Variants in ASIC2 observed in about 807,000 individuals in gnomAD.
ASIC2 encodes acid sensing ion channel subunit 2.
A neutral mutation model predicts 57.3 loss-of-function variants in ASIC2; 25 were observed. That is an observed-to-expected ratio of 0.44 (90% CI 0.32 to 0.61). The LOEUF is 0.61. Ranked by LOEUF, ASIC2 falls within the 20% of genes least tolerant of loss-of-function variation. ASIC2 has a pLI of 0.06. For missense variants in ASIC2, 641 were observed against 738.1 expected, an observed-to-expected ratio of 0.87 and a Z score of 1.52; for synonymous variants, 319 against 307.5, an observed-to-expected ratio of 1.04 and a Z score of -0.39.
intron 1 of ASIC2, among the ~76,000 whole-genome samples, chr17:33,509,756 T>C (rs1914374319): frequency 6.6e-6 from 1 of 152,210 alleles, no homozygotes; most frequent in Admixed American, 6.5e-5. Flanking sequence ...TTTCAGCAAT[T>C]CACTGAAAGC....
intron 1 of ASIC2, among the ~76,000 whole-genome samples, chr17:33,498,374 A>G (rs1164897373): frequency 6.6e-6 from 1 of 152,196 alleles, no homozygotes; most frequent in Non-Finnish European, 1.5e-5. Context: ...GGCAGTGTGG[A>G]GCGTGGCTGC....
At chr17:33,206,505 T>C (rs1462756492) in intron 1 of ASIC2, among the ~76,000 whole-genome samples, 1 of 152,186 alleles carries the variant, frequency 6.6e-6, no homozygotes, top group Non-Finnish European at 1.5e-5. Context: ...CCCAAAGCCA[T>C]GCCCAAGAAG....
In ASIC2 at chr17:33,570,808, T is replaced by C. The variant is rs115245638; in HGVS notation, c.556-458741A>G. ...AATGGCTGGGATGACCAGGCCTCTC[T>C]CTCTCTCCATGTGGCATCTCATCCT... is the stretch of plus-strand genomic sequence containing the variant. On this transcript the variant is annotated intron_variant, in intron 1 of 9. Transcript: ENST00000359872. 6.5e-3 allele frequency among the ~76,000 whole-genome samples: 994 copies of C among 152,212 alleles called. 9 individuals are homozygous for C. The highest frequency in any genetic ancestry group is 0.023 in the African/African-American group (957 of 41,524).
chr17:33,824,971 G>T (rs1912862475), intron 1 of ASIC2, among the ~76,000 whole-genome samples: 1 of 152,102 alleles, frequency 6.6e-6, no homozygotes, highest in South Asian at 2.1e-4. Context: ...ACCTCACAGG[G>T]TTGTGGATAG....
intron 1 of ASIC2, among the ~76,000 whole-genome samples, chr17:33,579,734 A>T (rs1284200188): frequency 1.3e-5 from 2 of 152,188 alleles, no homozygotes; most frequent in Non-Finnish European, 2.9e-5. Context: ...AGTAGTGCGG[A>T]CCCAAACACT....
chr17:33,813,223 GC>G (rs1912476946), intron 1 of ASIC2, among the ~76,000 whole-genome samples: 1 of 152,086 alleles, frequency 6.6e-6, no homozygotes, highest in African/African-American at 2.4e-5. Flanking sequence ...AGAGCAAAGA[GC>G]CCAGACTAGG....
At chr17:33,738,343 C>T (rs1035815725) in intron 1 of ASIC2, among the ~76,000 whole-genome samples, 4 of 152,158 alleles carry the variant, frequency 2.6e-5, no homozygotes, top group Admixed American at 6.5e-5. Flanking sequence ...TCATCCTTCC[C>T]CCAGACCTTC....
intron 1 of ASIC2, among the ~76,000 whole-genome samples, chr17:33,394,299 A>C (rs572688542): frequency 4.3e-4 from 65 of 152,338 alleles, no homozygotes; most frequent in Admixed American, 1.6e-3. Flanking sequence ...CACAGAAAAC[A>C]GCCTAAAACT....
intron 1 of ASIC2, among the ~76,000 whole-genome samples, chr17:33,140,351 C>A (rs976080046): frequency 2.0e-5 from 3 of 152,308 alleles, no homozygotes; most frequent in African/African-American, 4.8e-5. Flanking sequence ...ATCGGAGAAG[C>A]AACATGGTGT....
chr17:33,644,256 A>T (rs112373794), intron 1 of ASIC2, among the ~76,000 whole-genome samples: 268 of 152,252 alleles, frequency 1.8e-3, no homozygotes, highest in African/African-American at 6.1e-3. Context: ...CACCATGGTG[A>T]TGCGTTTTTC....
intron 1 of ASIC2, among the ~76,000 whole-genome samples, chr17:33,562,627 C>A (rs1465830287): frequency 1.3e-5 from 2 of 152,150 alleles, no homozygotes; most frequent in East Asian, 3.9e-4. Context: ...TCACTCTTGG[C>A]ACCTATCTCT....
chr17:33,980,942 A>ATT (rs34633102), intron 1 of ASIC2: 86,600 of 130,598 alleles, frequency 0.66, 30,929 homozygotes, highest in Non-Finnish European at 0.72. Context: ...CTCAAGTGTA[A>ATT]TTTTTTTTTT....
At chr17:33,874,747 C>CA (rs1325972651) in intron 1 of ASIC2, among the ~76,000 whole-genome samples, 3 of 152,238 alleles carry the variant, frequency 2.0e-5, no homozygotes, top group Non-Finnish European at 1.5e-5. Context: ...CAGTGCTTCT[C>CA]AATAGTTCCT....
At chr17:33,941,635 C>G (rs954939704) in intron 1 of ASIC2, among the ~76,000 whole-genome samples, 6 of 152,194 alleles carry the variant, frequency 3.9e-5, no homozygotes, top group African/African-American at 1.4e-4. Flanking sequence ...ACTGGGACAG[C>G]AGCAGTGGTC....
At chr17:33,935,857 CT>C (rs1346696190) in intron 1 of ASIC2, 4 of 152,206 alleles carry the variant, frequency 2.6e-5, no homozygotes, top group Non-Finnish European at 5.9e-5. Flanking sequence ...CTCAGAACAC[CT>C]TATCTGCTGC....
chr17:33,821,252 A>G (rs1446000120), intron 1 of ASIC2, among the ~76,000 whole-genome samples: 1 of 151,896 alleles, frequency 6.6e-6, no homozygotes, highest in Non-Finnish European at 1.5e-5. Context: ...CCGTTGTCCC[A>G]CCCCTCAAAT....
intron 1 of ASIC2, among the ~76,000 whole-genome samples, chr17:33,157,127 C>T (rs1905027836): frequency 6.6e-6 from 1 of 152,090 alleles, no homozygotes; most frequent in African/African-American, 2.4e-5. Flanking sequence ...AAAAAAACCC[C>T]CAGCACTCCC....
At chr17:33,574,786 A>G (rs1916563103) in intron 1 of ASIC2, among the ~76,000 whole-genome samples, 1 of 151,862 alleles carries the variant, frequency 6.6e-6, no homozygotes, top group Non-Finnish European at 1.5e-5. Flanking sequence ...TTTGCCATGG[A>G]GAGAGGAAGA....
intron 1 of ASIC2, among the ~76,000 whole-genome samples, chr17:33,864,620 A>T (rs1414530028): frequency 6.6e-6 from 1 of 152,170 alleles, no homozygotes; most frequent in Non-Finnish European, 1.5e-5. Flanking sequence ...ATGAAGGTGG[A>T]GGGGAGACTG....
Sources: gnomAD v4.1 joint callset for allele counts (sites outside exome capture counted in the v4.1 genomes callset) on GRCh38, gnomAD v4.1.1 for gene constraint, MANE v1.5 for transcripts, NCBI Gene and HGNC (gene_info 2026-07-23, HGNC 2026-07-21) for gene names.